CADPS: variants seen among roughly 807,000 people sequenced by gnomAD.
The protein encoded by CADPS is calcium dependent secretion activator.
Under a neutral mutation model 167.3 loss-of-function variants are expected in CADPS, and 57 were observed. The ratio of observed to expected loss-of-function variants is 0.34; its 90% CI spans 0.28 to 0.42. The LOEUF is 0.42. Ranked by LOEUF, CADPS falls within the 20% of genes least tolerant of loss-of-function variation. The pLI, the probability that CADPS is intolerant of heterozygous loss-of-function variation, is 1.00. For synonymous variants in CADPS, 676 were observed against 635.3 expected, an observed-to-expected ratio of 1.06 and a Z score of -0.96; for missense variants, 1,414 against 1,738.1, an observed-to-expected ratio of 0.81 and a Z score of 3.32.
chr3:62,683,008 G>T (rs1342116294), intron 3 of CADPS, among the ~76,000 whole-genome samples: 1 of 152,100 alleles, frequency 6.6e-6, no homozygotes, highest in Non-Finnish European at 1.5e-5. Flanking sequence ...GACAGAAATA[G>T]CATGTCTCAA....
chr3:62,807,002 A>G (rs982923799), intron 1 of CADPS, among the ~76,000 whole-genome samples: 1 of 152,254 alleles, frequency 6.6e-6, no homozygotes, highest in African/African-American at 2.4e-5. Context: ...CTTTGAAATT[A>G]AAGATGACTT....
rs1042238454 is a variant in CADPS at position 62,508,698 on chromosome 3, G to C, written c.2599+4053C>G. On this transcript the variant is annotated intron_variant, in intron 17 of 29. Coordinates refer to ENST00000383710, the MANE Select transcript of CADPS (RefSeq NM_003716.4). ...ATGGTAATAAAACACTTATCTCACA[G>C]GGTCATGGTGAGAATTAAATGAGAT... Among the ~76,000 whole-genome samples, 3 of 152,260 alleles carry C rather than the reference G, an allele frequency of 2.0e-5. No individual in the cohort carries two copies. In the East Asian group the frequency reaches 5.8e-4, roughly 29 times the overall value.
chr3:62,420,695 T>A lies in CADPS; in HGVS notation c.3777+17409A>T, dbSNP rs563402993. ...AATGAGGAAAATAAAGACAAAGTGCTGCTTTTTAAAAGTTAACATGTGTTT... is the reference window on the plus strand; with the variant it reads ...AATGAGGAAAATAAAGACAAAGTGCAGCTTTTTAAAAGTTAACATGTGTTT... On this transcript the variant is annotated intron_variant, in intron 28 of 29. Coordinates refer to ENST00000383710, the MANE Select transcript of CADPS (RefSeq NM_003716.4). The surrounding 1 kb of genome is among the most constrained non-coding windows in gnomAD (Gnocchi z 4.1). 6.6e-6 allele frequency among the ~76,000 whole-genome samples: 1 copy of A among 152,330 alleles called. No individual in the cohort carries two copies. Among genetic ancestry groups the A allele is most frequent in the Admixed American group, 6.5e-5 (1 of 15,308 alleles).
intron 13 of CADPS, among the ~76,000 whole-genome samples, chr3:62,522,042 T>C (rs2070741844): frequency 6.6e-6 from 1 of 152,182 alleles, no homozygotes; most frequent in Non-Finnish European, 1.5e-5. Flanking sequence ...TACAGGTCAG[T>C]AGTTTTTGAT....
chr3:62,516,683 C>T (rs373338350), intron 14 of CADPS, 40 bp from the exon 15 acceptor site: 3 of 1,420,416 alleles, frequency 2.1e-6, no homozygotes, highest in Non-Finnish European at 3.0e-6. Flanking sequence ...TAAATTATTA[C>T]ATTTTAGCAT....
At chr3:62,757,548 G>A (rs78998535) in intron 2 of CADPS, among the ~76,000 whole-genome samples, 289 of 152,248 alleles carry the variant, frequency 1.9e-3, no homozygotes, top group African/African-American at 6.7e-3. Context: ...GGATTGGGGC[G>A]AGAAGGTCAA....
intron 17 of CADPS, among the ~76,000 whole-genome samples, chr3:62,506,218 T>G (rs922159962): frequency 2.6e-5 from 4 of 151,982 alleles, no homozygotes; most frequent in African/African-American, 9.7e-5. Context: ...TGAAACCTCG[T>G]CTCTATTAAA....
intron 17 of CADPS, among the ~76,000 whole-genome samples, chr3:62,504,810 ATTCC>A: frequency 6.6e-6 from 1 of 152,246 alleles, no homozygotes; most frequent in South Asian, 2.1e-4. Flanking sequence ...CAAAAAGAGA[ATTCC>A]GCAGCAGGCT....
intron 1 of CADPS, among the ~76,000 whole-genome samples, chr3:62,838,538 G>T (rs903367727): frequency 3.9e-5 from 6 of 151,972 alleles, no homozygotes. Context: ...GTGGTTTTGG[G>T]GCAGAAACTC....
At position 62,626,491 on chromosome 3, in the gene CADPS, T is replaced by G. The variant is rs1014351737; in HGVS notation, c.1325+19231A>C. Reference sequence around the variant, plus strand: ...TCTTCAAGCACAAATCTTGTACCCCTGGAGATGATTTGACATGGCACAAAG... The same window carrying G: ...TCTTCAAGCACAAATCTTGTACCCCGGGAGATGATTTGACATGGCACAAAG... On this transcript the variant is annotated intron_variant, in intron 6 of 29. Coordinates refer to ENST00000383710, the MANE Select transcript of CADPS (RefSeq NM_003716.4). 1.9e-5 allele frequency: 13 copies of G among 702,452 alleles called. No homozygotes were observed. The African/African-American group carries it at 2.1e-4, about 11-fold the overall frequency. 43.5% of individuals were successfully genotyped at this position (702,452 alleles called of 1,614,324 possible).
chr3:62,569,965 T>A (rs2080988319), intron 9 of CADPS, among the ~76,000 whole-genome samples: 1 of 152,072 alleles, frequency 6.6e-6, no homozygotes, highest in East Asian at 1.9e-4. Flanking sequence ...TGGAAAAAAA[T>A]TTAAGAAATG....
At chr3:62,549,380 G>T (rs1286851552) in intron 11 of CADPS, among the ~76,000 whole-genome samples, 1 of 151,278 alleles carries the variant, frequency 6.6e-6, no homozygotes, top group Non-Finnish European at 1.5e-5. Context: ...GCTGTTTAAG[G>T]AGACAGTTTC....
intron 1 of CADPS, chr3:62,779,800 T>C (rs556828249): frequency 3.8e-6 from 1 of 261,842 alleles, no homozygotes; most frequent in African/African-American, 2.3e-5. Context: ...TCAGTGGCAT[T>C]CAGTGAGAAG....
chr3:62,610,165 T>G (rs2061303631), intron 6 of CADPS, among the ~76,000 whole-genome samples: 1 of 152,074 alleles, frequency 6.6e-6, no homozygotes, highest in South Asian at 2.1e-4. Flanking sequence ...GTGGTTGAAT[T>G]TGGAGCCTTT....
Position 62,478,243 on chromosome 3 carries a change from C to T in CADPS, c.3329+18G>A. The T allele has an allele frequency of 6.2e-7, 1 of 1,613,126 alleles. No individual in the cohort carries two copies. Among genetic ancestry groups the T allele is most frequent in the Non-Finnish European group, 8.5e-7 (1 of 1,179,608 alleles). On this transcript the variant is annotated intron_variant, in intron 23 of 29. Transcript: ENST00000383710. The surrounding 1 kb of genome is among the most constrained non-coding windows in gnomAD (Gnocchi z 5.7). ...GGTGGGGAGGGTGTGCAGAACCTGTCCAGCCACCTATACTTACCTTTTGAC... is the reference window on the plus strand; with the variant it reads ...GGTGGGGAGGGTGTGCAGAACCTGTTCAGCCACCTATACTTACCTTTTGAC...
chr3:62,478,186 G>T lies in CADPS; in HGVS notation c.3329+75C>A. 1 of 1,483,750 alleles carries T rather than the reference G, an allele frequency of 6.7e-7. No individual in the cohort carries two copies. The highest frequency in any genetic ancestry group is 9.3e-7 in the Non-Finnish European group (1 of 1,076,574). The allele number at this position is 1,483,750 out of a possible 1,614,324, so 91.9% of individuals were successfully genotyped here. ...TTTCAAACTACAGCCAATTGAAAGA[G>T]CAGCCATCTACCCTTCCCTGAGTCT... On this transcript the variant is annotated intron_variant, in intron 23 of 29. Transcript: ENST00000383710. This position sits in a 1 kb window ranked among gnomAD's most constrained non-coding sequence, Gnocchi z 5.7.
At chr3:62,662,439 G>A (rs1057288817) in intron 3 of CADPS, 45 bp from the exon 4 acceptor site, 6 of 1,547,052 alleles carry the variant, frequency 3.9e-6, no homozygotes, top group Admixed American at 1.7e-5. Context: ...TGGGTCACAA[G>A]TGCCAATAAA....
intron 2 of CADPS, among the ~76,000 whole-genome samples, chr3:62,761,109 C>G (rs141191662): frequency 2.6e-5 from 4 of 152,288 alleles, no homozygotes; most frequent in African/African-American, 9.6e-5. Flanking sequence ...ATCTTACTAT[C>G]TGGCTTCCTG....
chr3:62,567,564 CTTTTTTTTTTTTTTTTTTT>C (rs10561022), intron 9 of CADPS, among the ~76,000 whole-genome samples: 3 of 33,850 alleles, frequency 8.9e-5, no homozygotes, highest in East Asian at 1.2e-3. Context: ...CTAAGCACTG[CTTTTTTTTTTTTTTTTTTT>C]TTTTTTTTTT....
Sources: gnomAD v4.1 joint callset for allele counts (sites outside exome capture counted in the v4.1 genomes callset) on GRCh38, gnomAD v4.1.1 for gene constraint, Gnocchi (gnomAD v3.1) non-coding constraint, MANE v1.5 for transcripts, NCBI Gene and HGNC (gene_info 2026-07-23, HGNC 2026-07-21) for gene names.